PMP22: variants seen among roughly 807,000 people sequenced by gnomAD.
The protein encoded by PMP22 is peripheral myelin protein 22.
In PMP22, 2 loss-of-function variants were observed where a neutral mutation model predicts 18.9. The ratio of observed to expected loss-of-function variants is 0.11; its 90% CI spans 0.04 to 0.33. The LOEUF (loss-of-function observed/expected upper bound fraction) is 0.33, where lower values mean the gene tolerates loss of function less well. Among genes scored for constraint, PMP22 ranks in the 10% least tolerant of loss-of-function variants. The pLI, the probability that PMP22 is intolerant of heterozygous loss-of-function variation, is 1.00. For synonymous variants in PMP22, 95 were observed against 89.2 expected (o/e 1.07, Z -0.37); for missense variants, 169 against 202.2 (o/e 0.84, Z 1.00).
At chr17:15,245,869 C>T (rs980027298) in intron 3 of PMP22, among the ~76,000 whole-genome samples, 26 of 152,012 alleles carry the variant, frequency 1.7e-4, no homozygotes, top group African/African-American at 5.1e-4. Flanking sequence ...AAAAATTAGC[C>T]GGGCGTGGTG....
intron 4 of PMP22, among the ~76,000 whole-genome samples, chr17:15,233,868 A>G (rs1906568241): frequency 6.6e-6 from 1 of 152,226 alleles, no homozygotes. Flanking sequence ...ACGGACTCTC[A>G]TATAATAGGC....
intron 4 of PMP22, among the ~76,000 whole-genome samples, chr17:15,232,133 C>G (rs192843632): frequency 9.2e-5 from 14 of 152,116 alleles, no homozygotes; most frequent in South Asian, 4.2e-4. Context: ...CCCGCGCCCC[C>G]CCACCGCCCG....
intron 4 of PMP22, among the ~76,000 whole-genome samples, chr17:15,236,289 A>C (rs1428690678): frequency 6.6e-6 from 1 of 152,162 alleles, no homozygotes; most frequent in Non-Finnish European, 1.5e-5. Context: ...AATCTAGAGC[A>C]AGGAGACAGA....
intron 3 of PMP22, among the ~76,000 whole-genome samples, chr17:15,243,130 A>G (rs1412103064): frequency 6.6e-6 from 1 of 152,172 alleles, no homozygotes; most frequent in Non-Finnish European, 1.5e-5. Flanking sequence ...CCAGAAAAAA[A>G]ACAATGAAAT....
At chr17:15,231,733 G>A (rs1401448862) in intron 4 of PMP22, among the ~76,000 whole-genome samples, 3 of 152,184 alleles carry the variant, frequency 2.0e-5, no homozygotes, top group Non-Finnish European at 2.9e-5. Context: ...CGCTGCAGAG[G>A]GGGAAGATGA....
At chr17:15,247,948 T>C (rs1295552554) in intron 3 of PMP22, among the ~76,000 whole-genome samples, 1 of 152,168 alleles carries the variant, frequency 6.6e-6, no homozygotes, top group Non-Finnish European at 1.5e-5. Flanking sequence ...AGACCAGGAC[T>C]CCCACGCCCA....
At chr17:15,242,551 A>G (rs1272655422) in intron 3 of PMP22, among the ~76,000 whole-genome samples, 1 of 152,198 alleles carries the variant, frequency 6.6e-6, no homozygotes, top group East Asian at 1.9e-4. Context: ...ATATAATAAC[A>G]TGGCCTGAAA....
intron 1 of PMP22, among the ~76,000 whole-genome samples, chr17:15,262,088 A>T (rs529852243): frequency 6.6e-6 from 1 of 152,314 alleles, no homozygotes; most frequent in East Asian, 1.9e-4. Flanking sequence ...CAGGAGTCCA[A>T]CACTCTCGGG....
At chr17:15,257,022 C>G (rs930551301) in intron 3 of PMP22, among the ~76,000 whole-genome samples, 12 of 152,118 alleles carry the variant, frequency 7.9e-5, no homozygotes, top group African/African-American at 2.9e-4. Context: ...TTCAAAATGC[C>G]CTGATTGTGA....
At chr17:15,247,041 G>A (rs1448659345) in intron 3 of PMP22, among the ~76,000 whole-genome samples, 3 of 121,734 alleles carry the variant, frequency 2.5e-5, no homozygotes, top group African/African-American at 9.5e-5. Context: ...CTGCACTCCA[G>A]CCTGGAAACA....
At chr17:15,260,626 G>T (rs757616821) in intron 2 of PMP22, 24 bp downstream of exon 2, 1 of 1,545,566 alleles carries the variant, frequency 6.5e-7, no homozygotes, top group East Asian at 2.4e-5. Context: ...GGCCGCGCAG[G>T]GAGCCTCCCC....
At chr17:15,241,571 T>C (rs1484045289) in intron 3 of PMP22, among the ~76,000 whole-genome samples, 1 of 152,228 alleles carries the variant, frequency 6.6e-6, no homozygotes, top group Non-Finnish European at 1.5e-5. Flanking sequence ...CCTGTCATTT[T>C]CAGCAGAAAC....
intron 4 of PMP22, among the ~76,000 whole-genome samples, chr17:15,237,889 G>C (rs971566148): frequency 2.6e-5 from 4 of 151,834 alleles, no homozygotes; most frequent in African/African-American, 9.7e-5. Context: ...CATTTCAATA[G>C]AAATACATTA....
At chr17:15,233,162 A>G (rs1480175410) in intron 4 of PMP22, among the ~76,000 whole-genome samples, 2 of 152,136 alleles carry the variant, frequency 1.3e-5, no homozygotes, top group Non-Finnish European at 2.9e-5. Flanking sequence ...AAAGCCAAAT[A>G]CCCCTAGTAA....
intron 3 of PMP22, among the ~76,000 whole-genome samples, chr17:15,250,002 GC>G (rs1205627829): frequency 6.6e-6 from 1 of 152,042 alleles, no homozygotes. Flanking sequence ...TGCAAGCTCC[GC>G]CTCCCGGGTT....
At chr17:15,234,973 C>T (rs1906673045) in intron 4 of PMP22, among the ~76,000 whole-genome samples, 1 of 152,082 alleles carries the variant, frequency 6.6e-6, no homozygotes, top group Admixed American at 6.5e-5. Context: ...TGCTCCAAGG[C>T]ACCCCACTAA....
chr17:15,238,022 A>AT (rs1344321520), intron 4 of PMP22, among the ~76,000 whole-genome samples: 1 of 152,116 alleles, frequency 6.6e-6, no homozygotes, highest in African/African-American at 2.4e-5. Flanking sequence ...AAACCCCAGA[A>AT]TATGTTACAG....
At chr17:15,249,389 G>A (rs568365203) in intron 3 of PMP22, among the ~76,000 whole-genome samples, 3 of 152,240 alleles carry the variant, frequency 2.0e-5, no homozygotes, top group East Asian at 3.9e-4. Flanking sequence ...AGGCAGACCC[G>A]GTGCAGAAAA....
chr17:15,247,369 A>AAAC (rs914018112), intron 3 of PMP22, among the ~76,000 whole-genome samples: 2 of 152,202 alleles, frequency 1.3e-5, no homozygotes, highest in Admixed American at 6.5e-5. Flanking sequence ...ACTGTCTCAA[A>AAAC]AACAACAACA....
Sources: allele counts gnomAD v4.1 joint callset (sites outside exome capture counted in the v4.1 genomes callset), GRCh38; gene constraint gnomAD v4.1.1; transcripts MANE v1.5; gene names NCBI Gene and HGNC (gene_info 2026-07-23, HGNC 2026-07-21).